The following SLC14A2 variants were observed in gnomAD, a reference collection of about 807,000 sequenced individuals.
The protein encoded by SLC14A2 is solute carrier family 14 member 2.
SLC14A2 carries 91 observed loss-of-function variants against 104.6 expected under a neutral mutation model. The ratio of observed to expected loss-of-function variants is 0.87; its 90% CI spans 0.73 to 1.04. SLC14A2 has a LOEUF of 1.04. Ranked by LOEUF, SLC14A2 falls within the 50% of genes least tolerant of loss-of-function variation. The pLI, the probability that SLC14A2 is intolerant of heterozygous loss-of-function variation, is 0.00. For missense variants in SLC14A2, 1,189 were observed against 1,156.0 expected (o/e 1.03, Z -0.41); for synonymous variants, 476 against 466.4 (o/e 1.02, Z -0.27).
intron 1 of SLC14A2, among the ~76,000 whole-genome samples, chr18:45,433,172 G>T (rs2086543821): frequency 6.6e-6 from 1 of 152,020 alleles, no homozygotes; most frequent in Admixed American, 6.6e-5. Flanking sequence ...ACTACCAAGG[G>T]ACTGCAGGCA....
Position 45,578,230 on chromosome 18 carries a change from T to G in SLC14A2, c.-34-46401T>G, listed in dbSNP as rs559270020. ...AACCATCACCCTCTCTACAACACCTTTAGGGCCTAGACCTTCTACCACAAA... is the reference window on the plus strand; with the variant it reads ...AACCATCACCCTCTCTACAACACCTGTAGGGCCTAGACCTTCTACCACAAA... On this transcript the variant is annotated intron_variant, in intron 2 of 20. Transcript: ENST00000586448. 2.1e-4 allele frequency among the ~76,000 whole-genome samples: 32 copies of G among 152,348 alleles called. 1 individual carries two copies. In the South Asian group the frequency reaches 2.9e-3, roughly 14 times the overall value.
chr18:45,271,125 G>A (rs2084646841), intron 1 of SLC14A2, among the ~76,000 whole-genome samples: 1 of 152,138 alleles, frequency 6.6e-6, no homozygotes, highest in South Asian at 2.1e-4. Context: ...AAGAACATTG[G>A]TGATGCATCC....
chr18:45,673,557 C>G (rs2046176595), intron 17 of SLC14A2, 126 bp from the exon 18 acceptor site: 9 of 1,041,700 alleles, frequency 8.6e-6, no homozygotes, highest in Admixed American at 2.5e-5. Context: ...AGCCAGAAGT[C>G]CTTTTTGTAT....
chr18:45,629,943 G>A (rs1270043964), intron 4 of SLC14A2, among the ~76,000 whole-genome samples: 1 of 152,160 alleles, frequency 6.6e-6, no homozygotes, highest in Non-Finnish European at 1.5e-5. Flanking sequence ...CCTGACACCA[G>A]CTGTACCTCT....
the SLC14A2 span, among the ~76,000 whole-genome samples, chr18:45,177,265 C>T: frequency 3.3e-5 from 5 of 152,126 alleles, no homozygotes; most frequent in Non-Finnish European, 5.9e-5. Context: ...CAACTGTGTC[C>T]GTGGTTGACA....
chr18:45,214,765 G>C (rs1255803796), intron 1 of SLC14A2, among the ~76,000 whole-genome samples: 1 of 152,020 alleles, frequency 6.6e-6, no homozygotes, highest in African/African-American at 2.4e-5. Flanking sequence ...TGTTTCAGAT[G>C]TGTCTATAAC....
chr18:45,430,060 A>G (rs925893219), intron 1 of SLC14A2, among the ~76,000 whole-genome samples: 3 of 152,122 alleles, frequency 2.0e-5, no homozygotes, highest in Non-Finnish European at 2.9e-5. Flanking sequence ...ATGTTAAGCA[A>G]CTCAGGTCTG....
chr18:45,402,092 A>G (rs139852552), intron 1 of SLC14A2, among the ~76,000 whole-genome samples: 1 of 152,286 alleles, frequency 6.6e-6, no homozygotes, highest in Non-Finnish European at 1.5e-5. Context: ...AGAAGTGATG[A>G]TACGGGTACT....
intron 2 of SLC14A2, among the ~76,000 whole-genome samples, chr18:45,542,035 GTTTTTTTTTTTTTTTTT>G (rs60977948): frequency 1.1e-4 from 6 of 54,204 alleles, no homozygotes; most frequent in East Asian, 8.3e-4. Flanking sequence ...AAGAGAGAGG[GTTTTTTTTTTTTTTTTT>G]TTTTTTTTTT....
chr18:45,354,223 G>T (rs775037908), intron 1 of SLC14A2, among the ~76,000 whole-genome samples: 1 of 152,144 alleles, frequency 6.6e-6, no homozygotes, highest in Non-Finnish European at 1.5e-5. Context: ...TGATGTTCCC[G>T]GGATCACCAG....
chr18:45,298,152 AT>A lies in SLC14A2; in HGVS notation c.-125+84962del, dbSNP rs201631587. Among the ~76,000 whole-genome samples, 223 of 152,238 alleles carry A rather than the reference AT, an allele frequency of 1.5e-3. 1 individual carries two copies. Among genetic ancestry groups the A allele is most frequent in the Non-Finnish European group, 2.6e-3 (176 of 68,016 alleles). ...TGCACATAAGCATCTTTTTAAAAAA[AT>A]ATTCCTAACACCATTCCCTATAAAA... On this transcript the variant is annotated intron_variant, in intron 1 of 20. Coordinates refer to the SLC14A2 transcript ENST00000586448.
chr18:45,403,664 TG>T (rs2086120265), intron 1 of SLC14A2, among the ~76,000 whole-genome samples: 1 of 152,128 alleles, frequency 6.6e-6, no homozygotes, highest in Admixed American at 6.5e-5. Flanking sequence ...TAATTCACCC[TG>T]TAACTCTGGG....
chr18:45,416,564 A>G (rs1473191429), intron 1 of SLC14A2, among the ~76,000 whole-genome samples: 3 of 152,206 alleles, frequency 2.0e-5, no homozygotes, highest in African/African-American at 7.2e-5. Flanking sequence ...TCTTTGGGGA[A>G]GAAAACTTTC....
chr18:45,175,318 A>G, the SLC14A2 span, among the ~76,000 whole-genome samples: 1 of 152,182 alleles, frequency 6.6e-6, no homozygotes, highest in Non-Finnish European at 1.5e-5. Flanking sequence ...TCTGTATACT[A>G]ATTTAAAAAG....
At chr18:45,184,835 G>C in the SLC14A2 span, among the ~76,000 whole-genome samples, 2 of 152,170 alleles carry the variant, frequency 1.3e-5, no homozygotes, top group Non-Finnish European at 2.9e-5. Context: ...CATCCAGTGG[G>C]CTCAGTTCCT....
intron 9 of SLC14A2, among the ~76,000 whole-genome samples, chr18:45,643,639 T>C (rs1318551774): frequency 1.3e-5 from 2 of 152,172 alleles, no homozygotes; most frequent in Non-Finnish European, 2.9e-5. Flanking sequence ...ACTCAAGCCA[T>C]CCTCCCAGTT....
chr18:45,342,409 T>C (rs1287976046), intron 1 of SLC14A2, among the ~76,000 whole-genome samples: 1 of 152,064 alleles, frequency 6.6e-6, no homozygotes, highest in Non-Finnish European at 1.5e-5. Flanking sequence ...AGACAGCAGA[T>C]CTGTGTAGCT....
intron 2 of SLC14A2, among the ~76,000 whole-genome samples, chr18:45,526,117 T>C (rs2043591272): frequency 6.6e-6 from 1 of 152,156 alleles, no homozygotes; most frequent in Non-Finnish European, 1.5e-5. Flanking sequence ...GAAAATGAAT[T>C]TACATTGTGG....
intron 2 of SLC14A2, among the ~76,000 whole-genome samples, chr18:45,534,155 G>A (rs146866437): frequency 6.3e-4 from 96 of 152,184 alleles, no homozygotes; most frequent in Admixed American, 1.7e-3. Context: ...CTGCAATTTT[G>A]GACGTGGGAG....
Sources: allele counts gnomAD v4.1 joint callset (sites outside exome capture counted in the v4.1 genomes callset), GRCh38; gene constraint gnomAD v4.1.1; transcripts MANE v1.5; gene names NCBI Gene and HGNC (gene_info 2026-07-23, HGNC 2026-07-21).